POLK: variants seen among roughly 807,000 people sequenced by gnomAD.
POLK encodes the protein polymerase (DNA directed) kappa.
POLK carries 76 observed loss-of-function variants against 94.0 expected under a neutral mutation model. That is an observed-to-expected ratio of 0.81 (90% CI 0.67 to 0.98). The LOEUF (loss-of-function observed/expected upper bound fraction) is 0.98. Ranked by LOEUF, POLK falls within the 50% of genes least tolerant of loss-of-function variation. POLK has a pLI of 0.00. For missense variants in POLK, 954 were observed against 1,010.1 expected (o/e 0.94, Z 0.75); for synonymous variants, 349 against 325.4 (o/e 1.07, Z -0.78).
intron 3 of POLK, among the ~76,000 whole-genome samples, chr5:75,555,191 G>C (rs535922376): frequency 7.9e-5 from 12 of 152,204 alleles, no homozygotes; most frequent in Non-Finnish European, 1.5e-4. Flanking sequence ...GTTCAATATT[G>C]GTGGTGTACA....
At chr5:75,586,648 A>G in intron 9 of POLK, among the ~76,000 whole-genome samples, 1 of 152,166 alleles carries the variant, frequency 6.6e-6, no homozygotes. Flanking sequence ...TAAACCAAAA[A>G]CTAGATAACT....
intron 3 of POLK, chr5:75,568,921 G>C: frequency 4.8e-6 from 1 of 208,918 alleles, no homozygotes; most frequent in South Asian, 6.5e-5. Context: ...AATTTATAAA[G>C]CAGTAGAATC....
At chr5:75,555,618 T>C (rs552778805) in intron 3 of POLK, among the ~76,000 whole-genome samples, 1 of 152,112 alleles carries the variant, frequency 6.6e-6, no homozygotes, top group East Asian at 1.9e-4. Flanking sequence ...TGGTGCAATT[T>C]TGGCTCACTG....
intron 1 of POLK, among the ~76,000 whole-genome samples, chr5:75,532,085 T>G (rs1769209839): frequency 6.6e-6 from 1 of 152,158 alleles, no homozygotes; most frequent in African/African-American, 2.4e-5. Flanking sequence ...CCATTTTTGA[T>G]TTTTTGTTTT....
chr5:75,592,024 T>C (rs1318448671), intron 11 of POLK, among the ~76,000 whole-genome samples: 1 of 152,180 alleles, frequency 6.6e-6, no homozygotes, highest in South Asian at 2.1e-4. Context: ...TACCCTCAGA[T>C]GAGAGAGAGC....
chr5:75,589,930 G>T (rs1772692755), intron 10 of POLK, among the ~76,000 whole-genome samples: 1 of 152,110 alleles, frequency 6.6e-6, no homozygotes, highest in South Asian at 2.1e-4. Flanking sequence ...TCTACTTAAA[G>T]ATGTTTCTCA....
chr5:75,548,815 T>C (rs183988128), intron 2 of POLK, among the ~76,000 whole-genome samples: 308 of 152,176 alleles, frequency 2.0e-3, no homozygotes, highest in Non-Finnish European at 3.5e-3. Context: ...AGGATATTAA[T>C]TGATGAATCT....
chr5:75,524,315 T>A (rs1768730334), intron 1 of POLK, among the ~76,000 whole-genome samples: 1 of 152,140 alleles, frequency 6.6e-6, no homozygotes, highest in South Asian at 2.1e-4. Context: ...GGTGCCTTCC[T>A]TAAATACTTG....
chr5:75,602,310 C>T (rs566294489), downstream of POLK, among the ~76,000 whole-genome samples: 1 of 152,284 alleles, frequency 6.6e-6, no homozygotes, highest in African/African-American at 2.4e-5. Flanking sequence ...CAGACATTCG[C>T]CATGATTCAT....
rs776740469 is a variant in POLK at position 75,590,375 on chromosome 5, C to A, written c.1291C>A (p.Gln431Lys). ...CAGTGAGATAAATAAAGCGGAAGAG[C>A]AATACAGCCTATGTCAAGAACTTTG... The change falls in exon 11 of 15, where the codon CAA becomes AAA. Residue 431 changes from glutamine to lysine, a missense_variant. By Grantham distance (53) the Gln-to-Lys change is moderately conservative (BLOSUM62 1). Coordinates refer to ENST00000241436, the Ensembl canonical transcript of POLK. 12 of 1,603,806 alleles carry A rather than the reference C, an allele frequency of 7.5e-6. No individual in the cohort carries two copies. The highest frequency in any genetic ancestry group is 3.3e-5 in the South Asian group (3 of 89,964).
At chr5:75,595,741 C>T (rs1394329203) in intron 12 of POLK, among the ~76,000 whole-genome samples, 1 of 152,172 alleles carries the variant, frequency 6.6e-6, no homozygotes, top group East Asian at 1.9e-4. Context: ...AATGTTGTGG[C>T]AGTGTAGGTT....
intron 8 of POLK, among the ~76,000 whole-genome samples, chr5:75,584,383 T>A (rs1204501912): frequency 6.6e-6 from 1 of 152,192 alleles, no homozygotes; most frequent in Admixed American, 6.5e-5. Context: ...ATAGTCACAT[T>A]ATTCATACCT....
At chr5:75,530,957 C>T (rs896055446) in intron 1 of POLK, among the ~76,000 whole-genome samples, 4 of 151,756 alleles carry the variant, frequency 2.6e-5, no homozygotes, top group Admixed American at 2.6e-4. Flanking sequence ...AGGTGCCTGC[C>T]ACCATGCCCG....
chr5:75,541,279 G>A (rs1769726085), intron 1 of POLK, among the ~76,000 whole-genome samples: 1 of 151,880 alleles, frequency 6.6e-6, no homozygotes, highest in Non-Finnish European at 1.5e-5. Context: ...CAACAAGACT[G>A]AAACTCTGTC....
At chr5:75,564,875 C>T (rs1042571858) in intron 3 of POLK, among the ~76,000 whole-genome samples, 1 of 152,068 alleles carries the variant, frequency 6.6e-6, no homozygotes, top group Admixed American at 6.5e-5. Flanking sequence ...TTGCTCTTCT[C>T]GAGGAGTATC....
exon 13 of POLK, chr5:75,596,449 G>A (rs1308390772): frequency 6.2e-6 from 10 of 1,613,676 alleles, no homozygotes; most frequent in Non-Finnish European, 6.8e-6. Flanking sequence ...ATTTAAATGT[G>A]AAGCCGTGAA....
exon 2 of POLK, chr5:75,547,144 T>A: frequency 6.5e-7 from 1 of 1,544,696 alleles, no homozygotes; most frequent in Non-Finnish European, 8.8e-7. Context: ...AAAATTATAA[T>A]GGAAGCCACG....
At chr5:75,538,485 T>C (rs986331442) in intron 1 of POLK, 2 of 152,182 alleles carry the variant, frequency 1.3e-5, no homozygotes, top group African/African-American at 4.8e-5. Flanking sequence ...AAACCTTCCA[T>C]TAGTGTTTTT....
At chr5:75,586,457 A>C (rs1416047857) in intron 9 of POLK, among the ~76,000 whole-genome samples, 1 of 152,178 alleles carries the variant, frequency 6.6e-6, no homozygotes, top group Non-Finnish European at 1.5e-5. Flanking sequence ...AGTACTCTAC[A>C]TGTCATTTCA....
Sources: allele counts gnomAD v4.1 joint callset (sites outside exome capture counted in the v4.1 genomes callset), GRCh38; gene constraint gnomAD v4.1.1; transcripts MANE v1.5; gene names NCBI Gene and HGNC (gene_info 2026-07-23, HGNC 2026-07-21).